The following CPSF4 variants were observed in gnomAD, a reference collection of about 807,000 sequenced individuals.
CPSF4 encodes cleavage and polyadenylation specificity factor subunit 4.
A neutral mutation model predicts 37.7 loss-of-function variants in CPSF4; 11 were observed. That is an observed-to-expected ratio of 0.29 (90% confidence interval 0.18 to 0.48). The LOEUF (loss-of-function observed/expected upper bound fraction) is 0.48, where lower values mean the gene tolerates loss of function less well. CPSF4 is among the 20% of genes least tolerant of loss of function. The probability of loss-of-function intolerance (pLI) is 0.99; values close to 1 mark genes in which losing one functional copy is unlikely to be tolerated. For missense variants in CPSF4, 144 were observed against 359.5 expected (o/e 0.40, Z 4.85); for synonymous variants, 132 against 135.9 (o/e 0.97, Z 0.20).
At chr7:99,442,413 T>A (rs1350535235) in intron 1 of CPSF4, among the ~76,000 whole-genome samples, 1 of 151,532 alleles carries the variant, frequency 6.6e-6, no homozygotes, top group East Asian at 1.9e-4. Flanking sequence ...TCCCAGCACT[T>A]TGGGAGGCCG....
Position 99,452,306 on chromosome 7 carries a change from C to T in CPSF4, c.498-62C>T. 3 of 1,402,048 alleles carry T rather than the reference C, an allele frequency of 2.1e-6. No individual in the cohort carries two copies. The South Asian group carries it at 3.5e-5, about 16-fold the overall frequency. 86.9% of individuals were successfully genotyped at this position (1,402,048 alleles called of 1,614,324 possible). On this transcript the variant is annotated intron_variant, in intron 5 of 7. Coordinates refer to ENST00000292476, the MANE Select transcript of CPSF4 (RefSeq NM_006693.4). ...AATTTAAGAGCATGGCCTGGCTTCT[C>T]TTCTCATCCCCTGACCCCACTCCTT...
At chr7:99,443,169 C>T (rs757313357) in intron 1 of CPSF4, 2 of 785,218 alleles carry the variant, frequency 2.5e-6, no homozygotes, top group Non-Finnish European at 4.7e-6. Context: ...ACTCTCCAAG[C>T]TCACAGGTAC....
intron 1 of CPSF4, among the ~76,000 whole-genome samples, chr7:99,440,548 A>C (rs1214442177): frequency 1.3e-5 from 2 of 149,416 alleles, no homozygotes; most frequent in Non-Finnish European, 3.0e-5. Context: ...TAGAGACACT[A>C]TTTCATCATG....
intron 1 of CPSF4, chr7:99,443,536 G>A: frequency 1.5e-6 from 1 of 647,958 alleles, no homozygotes; most frequent in Non-Finnish European, 2.8e-6. Flanking sequence ...ATAATTGTAT[G>A]TGGGGTGGGG....
chr7:99,445,981 A>C (rs1365626607), intron 2 of CPSF4, among the ~76,000 whole-genome samples: 1 of 152,236 alleles, frequency 6.6e-6, no homozygotes, highest in African/African-American at 2.4e-5. Context: ...AGGAAAATTT[A>C]TTTAGGAGAC....
intron 2 of CPSF4, 152 bp from the exon 3 acceptor site, chr7:99,447,969 T>C: frequency 1.5e-6 from 1 of 672,146 alleles, no homozygotes; most frequent in South Asian, 1.8e-5. Flanking sequence ...CATGTTGCCT[T>C]CTGTGAGGGG....
intron 6 of CPSF4, 152 bp downstream of exon 6, chr7:99,452,592 A>C: frequency 2.9e-6 from 2 of 680,776 alleles, no homozygotes; most frequent in Non-Finnish European, 5.1e-6. Flanking sequence ...AGTCAGGAGC[A>C]AAGCCGTGTA....
rs1017655662 is a variant in CPSF4, at chr7:99,456,870, G to A, written c.*370G>A. The stretch of plus-strand genomic sequence containing the variant: ...TCATTAAACACCAGTTCTTGGTGAC[G>A]CCAGGGGCTGGTAGGTCATTCAAAG... On this transcript the variant is annotated 3_prime_UTR_variant, in exon 8 of 8. Coordinates refer to ENST00000292476, the MANE Select transcript of CPSF4 (RefSeq NM_006693.4). 4.8e-5 allele frequency: 18 copies of A among 374,658 alleles called. No individual in the cohort carries two copies. The highest frequency in any genetic ancestry group is 4.7e-4 in the East Asian group (7 of 15,010). The allele number at this position is 374,658 out of a possible 1,614,324, so 23.2% of individuals were successfully genotyped here. A position where few individuals can be genotyped will look rare whatever the true frequency, so the allele number is the denominator to read the frequency against.
In CPSF4 at chr7:99,457,104, T is replaced by C. The variant is rs1798362460; in HGVS notation, c.*604T>C. Reference sequence around the variant, plus strand: ...TTTCTTCTCTGGGCTTAATTTTCTCTTGGGGTACGTGCCTGACAGTGTTTA... The same window carrying C: ...TTTCTTCTCTGGGCTTAATTTTCTCCTGGGGTACGTGCCTGACAGTGTTTA... On this transcript the variant is annotated 3_prime_UTR_variant, in exon 8 of 8. Coordinates refer to ENST00000292476, the MANE Select transcript of CPSF4 (RefSeq NM_006693.4). The C allele has an allele frequency of 1.1e-5, 2 of 181,726 alleles. No individual in the cohort carries two copies. Among genetic ancestry groups the C allele is most frequent in the African/African-American group, 4.7e-5 (2 of 42,556 alleles). 11.3% of individuals were successfully genotyped at this position (181,726 alleles called of 1,614,324 possible).
rs752388475 is a variant in CPSF4, at chr7:99,439,237, G to A, written c.103+52G>A. 6 of 1,342,762 alleles carry A rather than the reference G, an allele frequency of 4.5e-6. No individual in the cohort carries two copies. In the Admixed American group the frequency reaches 6.5e-5, roughly 14 times the overall value. The allele number at this position is 1,342,762 out of a possible 1,614,324, so 83.2% of individuals were successfully genotyped here. ...CAAGAGCGACTCGAACCCGGGACCCGCTCCTCTGTGATCCCGGGACTCCCT... is the reference window on the plus strand; with the variant it reads ...CAAGAGCGACTCGAACCCGGGACCCACTCCTCTGTGATCCCGGGACTCCCT... On this transcript the variant is annotated intron_variant, in intron 1 of 7. Coordinates refer to ENST00000292476, the MANE Select transcript of CPSF4 (RefSeq NM_006693.4).
chr7:99,445,819 G>C (rs970393846), intron 2 of CPSF4, among the ~76,000 whole-genome samples: 2 of 152,126 alleles, frequency 1.3e-5, no homozygotes, highest in Admixed American at 1.3e-4. Flanking sequence ...GTTAGGCAGA[G>C]GTTGTAGTGA....
intron 2 of CPSF4, among the ~76,000 whole-genome samples, chr7:99,447,271 C>CTTTTTTTTTTTTTTTTTCT (rs1351325327): frequency 9.3e-6 from 1 of 107,166 alleles, no homozygotes. Context: ...TTTTTTTTTT[C>CTTTTTTTTTTTTTTTTTCT]TTTTTTTTTT....
intron 2 of CPSF4, among the ~76,000 whole-genome samples, chr7:99,447,126 C>CTTACTTAT (rs1554364939): frequency 6.6e-6 from 1 of 151,228 alleles, no homozygotes; most frequent in African/African-American, 2.4e-5. Context: ...TACTTACTTA[C>CTTACTTAT]TTATTTATTT....
rs565398445 is a variant in CPSF4, at chr7:99,446,418, A to G, written c.154+1579A>G. Among the ~76,000 whole-genome samples, 3 of 152,248 alleles carry G rather than the reference A, an allele frequency of 2.0e-5. No individual in the cohort carries two copies. The East Asian group carries it at 5.8e-4, about 29-fold the overall frequency. On this transcript the variant is annotated intron_variant, in intron 2 of 7. Coordinates refer to ENST00000292476, the MANE Select transcript of CPSF4 (RefSeq NM_006693.4). ...GTCACATGGGGCTAGCAGCTGCCAT[A>G]TTGGACAGCAGAAGTGTACAGCGGC... is the stretch of plus-strand genomic sequence containing the variant.
At chr7:99,450,126 C>G (rs1797833153) in intron 3 of CPSF4, 150 bp from the exon 4 acceptor site, 1 of 673,946 alleles carries the variant, frequency 1.5e-6, no homozygotes, top group Non-Finnish European at 2.7e-6. Context: ...AGCTCCGCTG[C>G]ACAGGAAGCT....
intron 2 of CPSF4, among the ~76,000 whole-genome samples, chr7:99,446,771 C>CATTTTTTTTTTT (rs1797531186): frequency 3.4e-5 from 1 of 29,134 alleles, no homozygotes; most frequent in African/African-American, 2.3e-4. Flanking sequence ...CCATACCCAG[C>CATTTTTTTTTTT]TTTTTTTTTT....
intron 7 of CPSF4, among the ~76,000 whole-genome samples, chr7:99,455,270 G>A (rs921037109): frequency 8.5e-5 from 13 of 152,238 alleles, no homozygotes; most frequent in Admixed American, 3.3e-4. Context: ...ATTCCCCAGA[G>A]TCAGCTGTGG....
chr7:99,454,191 T>G, intron 7 of CPSF4, 55 bp downstream of exon 7: 1 of 1,433,506 alleles, frequency 7.0e-7, no homozygotes, highest in Non-Finnish European at 9.6e-7. Context: ...TCAGTGGCCA[T>G]TCCCTCATGC....
intron 2 of CPSF4, 146 bp downstream of exon 2, chr7:99,444,985 C>A: frequency 1.4e-6 from 1 of 713,246 alleles, no homozygotes; most frequent in Non-Finnish European, 2.4e-6. Flanking sequence ...TTTGGACAGG[C>A]TAGGACCCTG....
Sources: gnomAD v4.1 joint callset for allele counts (sites outside exome capture counted in the v4.1 genomes callset) on GRCh38, gnomAD v4.1.1 for gene constraint, MANE v1.5 for transcripts, NCBI Gene and HGNC (gene_info 2026-07-23, HGNC 2026-07-21) for gene names.